ARAP1: variants seen among roughly 807,000 people sequenced by gnomAD.
ARAP1 encodes the protein ArfGAP with RhoGAP domain, ankyrin repeat and PH domain 1, also known as arf-GAP with Rho-GAP domain, ANK repeat and PH domain-containing protein 1.
In ARAP1, 76 loss-of-function variants were observed where a neutral mutation model predicts 172.2. That is an observed-to-expected ratio of 0.44 (90% CI 0.37 to 0.53). ARAP1 has a LOEUF of 0.53. ARAP1 is among the 20% of genes least tolerant of loss of function. The probability of loss-of-function intolerance (pLI) is 0.00; values close to 1 mark genes in which losing one functional copy is unlikely to be tolerated. For missense variants in ARAP1, 1,686 were observed against 1,977.5 expected (o/e 0.85, Z 2.80); for synonymous variants, 804 against 803.3 (o/e 1.00, Z -0.01).
chr11:72,690,845 C>A (rs554676282), intron 30 of ARAP1, among the ~76,000 whole-genome samples: 9 of 152,304 alleles, frequency 5.9e-5, no homozygotes, highest in African/African-American at 1.9e-4. Flanking sequence ...CAAGAGGAGA[C>A]CCCCAGGATA....
chr11:72,746,352 G>C lies in ARAP1; in HGVS notation c.-128+5976C>G, dbSNP rs368187502. Among the ~76,000 whole-genome samples, 9 of 152,286 alleles carry C rather than the reference G, an allele frequency of 5.9e-5. No homozygotes were observed. The East Asian group carries it at 1.7e-3, about 29-fold the overall frequency. On this transcript the variant is annotated intron_variant, in intron 1 of 34. Coordinates refer to ENST00000393609, the MANE Select transcript of ARAP1 (RefSeq NM_001040118.3). ...GGGTGGTAGATGCAGGGAGCACCCG[G>C]CACCTGGAGACCAGCTGTGCCTCTG...
At chr11:72,720,171 C>T (rs1338858260) in intron 3 of ARAP1, among the ~76,000 whole-genome samples, 1 of 152,212 alleles carries the variant, frequency 6.6e-6, no homozygotes, top group Non-Finnish European at 1.5e-5. Context: ...TCAGGGCTGC[C>T]GGCCCAGTGA....
chr11:72,730,336 G>A (rs992494081), intron 2 of ARAP1, among the ~76,000 whole-genome samples: 3 of 152,190 alleles, frequency 2.0e-5, no homozygotes, highest in Non-Finnish European at 4.4e-5. Context: ...GATTGTCAAA[G>A]AGCAATAAAG....
At position 72,699,857 on chromosome 11, in the gene ARAP1, C is replaced by A. The variant is rs1367331365; in HGVS notation, c.2303-305G>T. 1.3e-5 allele frequency among the ~76,000 whole-genome samples: 2 copies of A among 152,166 alleles called. No homozygotes were observed. The highest frequency in any genetic ancestry group is 1.3e-4 in the Admixed American group (2 of 15,278). ...CAGGACAGACTCTGTGCCCCTCAGC[C>A]TGCCATTCAAGGCCCTGCCAGGTCT... is the stretch of plus-strand genomic sequence containing the variant. On this transcript the variant is annotated intron_variant, in intron 16 of 34. Coordinates refer to ENST00000393609, the MANE Select transcript of ARAP1 (RefSeq NM_001040118.3). The surrounding 1 kb of genome is among the most constrained non-coding windows in gnomAD (Gnocchi z 4.2).
chr11:72,723,521 T>C (rs867152277), intron 3 of ARAP1, among the ~76,000 whole-genome samples: 14 of 152,160 alleles, frequency 9.2e-5, no homozygotes, highest in African/African-American at 3.1e-4. Flanking sequence ...AGCCTCGTTC[T>C]TCCCACCTGT....
chr11:72,694,194 A>G (rs1330433943), intron 27 of ARAP1, among the ~76,000 whole-genome samples: 1 of 150,902 alleles, frequency 6.6e-6, no homozygotes, highest in Admixed American at 6.6e-5. Flanking sequence ...CACTGCTGCC[A>G]CCCCAGCCCA....
Position 72,699,892 on chromosome 11 carries a change from C to G in ARAP1, c.2303-340G>C. ...AGGCCCTGCCAGGTCTACCCCTGCC[C>G]GTCTCTCCAGCTGCCTCTCTGTCAC... On this transcript the variant is annotated intron_variant, in intron 16 of 34. Transcript: ENST00000393609. This position sits in a 1 kb window ranked among gnomAD's most constrained non-coding sequence, Gnocchi z 4.2. The G allele has an allele frequency of 3.0e-6, 1 of 338,014 alleles. No individual in the cohort carries two copies. The highest frequency in any genetic ancestry group is 5.6e-6 in the Non-Finnish European group (1 of 179,026). The allele number at this position is 338,014 out of a possible 1,614,324, so 20.9% of individuals were successfully genotyped here.
intron 14 of ARAP1, 152 bp downstream of exon 14, chr11:72,704,000 G>A: frequency 2.8e-6 from 3 of 1,060,070 alleles, no homozygotes; most frequent in Non-Finnish European, 4.1e-6. Context: ...CATGGCTTAG[G>A]CAGGGCCCTT....
intron 2 of ARAP1, among the ~76,000 whole-genome samples, chr11:72,730,993 G>A (rs1366050562): frequency 6.6e-6 from 1 of 152,180 alleles, no homozygotes; most frequent in African/African-American, 2.4e-5. Flanking sequence ...GAAAAGTGCA[G>A]AACAGTTTGT....
intron 1 of ARAP1, among the ~76,000 whole-genome samples, chr11:72,748,063 T>A (rs1276969110): frequency 6.6e-6 from 1 of 152,250 alleles, no homozygotes; most frequent in Non-Finnish European, 1.5e-5. Context: ...ACTTAACTTC[T>A]TGGGACCTCA....
chr11:72,703,903 A>C (rs1346120281), intron 14 of ARAP1: 5 of 528,072 alleles, frequency 9.5e-6, no homozygotes, highest in Non-Finnish European at 1.3e-5. Context: ...AGACTGAGGA[A>C]TTGGGAGAGA....
In ARAP1 at chr11:72,728,464, C is replaced by T. The variant is rs374309804; in HGVS notation, c.-44-1292G>A. Among the ~76,000 whole-genome samples, 232 of 152,118 alleles carry T rather than the reference C, an allele frequency of 1.5e-3. 1 individual carries two copies. In the South Asian group the frequency reaches 0.046, roughly 30 times the overall value. On this transcript the variant is annotated intron_variant, in intron 2 of 34. Transcript: ENST00000393609. The stretch of plus-strand genomic sequence containing the variant: ...GGCATGGTGGCATGCGCCTGTAGTC[C>T]CAGCTACTCAGGAGGCTGAGGCAGG...
At chr11:72,732,278 T>C (rs931857258) in intron 2 of ARAP1, among the ~76,000 whole-genome samples, 5 of 152,234 alleles carry the variant, frequency 3.3e-5, no homozygotes, top group African/African-American at 9.6e-5. Context: ...CAATTCAGCC[T>C]GCTGGCCCCT....
rs955555200 is a variant in ARAP1 at position 72,697,759 on chromosome 11, G to A, written c.2738-110C>T. ...CTTGAGACCCGCCCACCAATGTATG[G>A]GGTGGCTGAGATGCACCCCAAGGAC... is the stretch of plus-strand genomic sequence containing the variant. On this transcript the variant is annotated intron_variant, in intron 19 of 34. Transcript: ENST00000393609. 1.4e-4 allele frequency: 217 copies of A among 1,535,142 alleles called. 1 individual carries two copies. In the African/African-American group the frequency reaches 2.8e-3, roughly 20 times the overall value.
chr11:72,727,698 C>G (rs1857739201), intron 2 of ARAP1, among the ~76,000 whole-genome samples: 1 of 152,236 alleles, frequency 6.6e-6, no homozygotes, highest in Non-Finnish European at 1.5e-5. Flanking sequence ...TACCTCCATG[C>G]CCCTGGAGGA....
chr11:72,711,372 G>C, intron 8 of ARAP1, 58 bp downstream of exon 8: 1 of 1,573,796 alleles, frequency 6.4e-7, no homozygotes, highest in Non-Finnish European at 8.7e-7. Flanking sequence ...CCTCGCTCCA[G>C]TGTTGGGGCC....
intron 2 of ARAP1, among the ~76,000 whole-genome samples, chr11:72,731,146 G>GCTTCCT (rs1464582112): frequency 6.6e-6 from 1 of 152,206 alleles, no homozygotes; most frequent in African/African-American, 2.4e-5. Flanking sequence ...GAAAACTAAG[G>GCTTCCT]CCTGAAGGGA....
rs2135565003 is a variant in ARAP1 at position 72,722,071 on chromosome 11, T to C, written c.509+4549A>G. ...GCTTTGCACCTGTGATTTATGTCTT[T>C]AAGTGTTTGTGAATCACTTCTCTAC... is the stretch of plus-strand genomic sequence containing the variant. On this transcript the variant is annotated intron_variant, in intron 3 of 34. Coordinates refer to ENST00000393609, the MANE Select transcript of ARAP1 (RefSeq NM_001040118.3). 3.0e-6 allele frequency: 3 copies of C among 985,588 alleles called. No homozygotes were observed. The South Asian group carries it at 1.4e-4, about 46-fold the overall frequency. The allele number at this position is 985,588 out of a possible 1,614,324, so 61.1% of individuals were successfully genotyped here. A position where few individuals can be genotyped will look rare whatever the true frequency, so the allele number is the denominator to read the frequency against.
chr11:72,748,567 G>A (rs1470075040), intron 1 of ARAP1, among the ~76,000 whole-genome samples: 1 of 151,670 alleles, frequency 6.6e-6, no homozygotes, highest in South Asian at 2.1e-4. Flanking sequence ...TTAACTCCAC[G>A]TCCCCTCCCA....
Sources: allele counts gnomAD v4.1 joint callset (sites outside exome capture counted in the v4.1 genomes callset), GRCh38; gene constraint gnomAD v4.1.1; non-coding constraint Gnocchi (gnomAD v3.1); transcripts MANE v1.5; gene names NCBI Gene and HGNC (gene_info 2026-07-23, HGNC 2026-07-21).